Variants in NAPB observed in about 807,000 individuals in gnomAD.
NAPB encodes NSF attachment protein beta.
A neutral mutation model predicts 44.7 loss-of-function variants in NAPB; 26 were observed. The ratio of observed to expected loss-of-function variants is 0.58; its 90% CI spans 0.43 to 0.81. The LOEUF (loss-of-function observed/expected upper bound fraction) is 0.81. Ranked by LOEUF, NAPB falls within the 30% of genes least tolerant of loss-of-function variation. NAPB has a pLI of 0.00. For synonymous variants in NAPB, 120 were observed against 116.8 expected, an observed-to-expected ratio of 1.03 and a Z score of -0.18; for missense variants, 315 against 356.4, an observed-to-expected ratio of 0.88 and a Z score of 0.94.
chr20:23,421,176 G>A (rs1377875543), intron 1 of NAPB, 129 bp downstream of exon 1: 3 of 701,648 alleles, frequency 4.3e-6, no homozygotes, highest in East Asian at 3.3e-5. Context: ...GCGCCTGCAG[G>A]CTGAGGGCCC....
chr20:23,414,420 A>G (rs1985867292), intron 1 of NAPB, among the ~76,000 whole-genome samples: 1 of 152,218 alleles, frequency 6.6e-6, no homozygotes, highest in Non-Finnish European at 1.5e-5. Flanking sequence ...GGACAGTACA[A>G]TACGAGGCCT....
intron 5 of NAPB, among the ~76,000 whole-genome samples, chr20:23,394,141 A>G (rs1984178415): frequency 1.3e-5 from 2 of 152,194 alleles, no homozygotes; most frequent in Admixed American, 1.3e-4. Context: ...TCAGCAGTAG[A>G]GAAACAGAGT....
chr20:23,414,643 A>C (rs1476956323), intron 1 of NAPB, among the ~76,000 whole-genome samples: 1 of 152,268 alleles, frequency 6.6e-6, no homozygotes, highest in Non-Finnish European at 1.5e-5. Flanking sequence ...AGTTCCACTT[A>C]AATACAGAAA....
intron 1 of NAPB, among the ~76,000 whole-genome samples, chr20:23,416,292 A>G: frequency 6.6e-6 from 1 of 152,354 alleles, no homozygotes; most frequent in South Asian, 2.1e-4. Flanking sequence ...AAATGCAACA[A>G]GAAAAAGGCC....
intron 5 of NAPB, among the ~76,000 whole-genome samples, chr20:23,394,105 T>G (rs1378201704): frequency 6.6e-6 from 1 of 152,160 alleles, no homozygotes; most frequent in East Asian, 1.9e-4. Flanking sequence ...CAGCTGTTCC[T>G]CTTAGTGAAA....
chr20:23,387,184 C>A (rs545740970), intron 7 of NAPB, among the ~76,000 whole-genome samples: 1 of 152,040 alleles, frequency 6.6e-6, no homozygotes, highest in African/African-American at 2.4e-5. Context: ...AATCCAATAC[C>A]CTTTGATGAT....
intron 10 of NAPB, 91 bp downstream of exon 10, chr20:23,379,353 TA>T: frequency 3.0e-6 from 3 of 998,106 alleles, no homozygotes; most frequent in East Asian, 2.4e-5. Context: ...CATGTTCAAA[TA>T]AATGTTTAGA....
At chr20:23,390,446 C>T (rs1983862730) in intron 5 of NAPB, among the ~76,000 whole-genome samples, 182 bp from the exon 6 acceptor site, 1 of 152,224 alleles carries the variant, frequency 6.6e-6, no homozygotes, top group Admixed American at 6.5e-5. Context: ...TGCTTGCTGA[C>T]CATCAAAATC....
chr20:23,410,550 G>A, intron 1 of NAPB, among the ~76,000 whole-genome samples: 1 of 152,318 alleles, frequency 6.6e-6, no homozygotes, highest in Middle Eastern at 3.4e-3. Flanking sequence ...GCGGGGTATG[G>A]GGAGAGAAAC....
chr20:23,420,053 T>C (rs1222379623), intron 1 of NAPB, among the ~76,000 whole-genome samples: 2 of 152,256 alleles, frequency 1.3e-5, no homozygotes, highest in Non-Finnish European at 2.9e-5. Context: ...GTTAAGTATC[T>C]GCTCTTGGTA....
In NAPB at chr20:23,377,357, C is replaced by A; in HGVS notation, c.*19G>T. On this transcript the variant is annotated 3_prime_UTR_variant, in exon 11 of 11. Coordinates refer to ENST00000377026, the MANE Select transcript of NAPB (RefSeq NM_022080.3). ...AAACTAAAGAGGAGTTAGCTGCATG[C>A]CACAAAGACAAAAACATTTCATTTT... 1 of 1,524,316 alleles carries A rather than the reference C, an allele frequency of 6.6e-7. No homozygotes were observed. The allele number at this position is 1,524,316 out of a possible 1,614,324, so 94.4% of individuals were successfully genotyped here.
intron 1 of NAPB, among the ~76,000 whole-genome samples, chr20:23,419,929 T>C (rs1399926236): frequency 1.3e-5 from 2 of 152,230 alleles, no homozygotes; most frequent in East Asian, 1.9e-4. Flanking sequence ...TTATAATTTA[T>C]AGCCAAAAGA....
intron 1 of NAPB, among the ~76,000 whole-genome samples, chr20:23,405,040 C>T (rs990885009): frequency 1.3e-5 from 2 of 152,188 alleles, no homozygotes; most frequent in East Asian, 1.9e-4. Flanking sequence ...AGGAGGCTCA[C>T]GCCTGTAATC....
intron 1 of NAPB, among the ~76,000 whole-genome samples, chr20:23,403,944 C>T (rs1985048083): frequency 6.6e-6 from 1 of 152,070 alleles, no homozygotes; most frequent in Non-Finnish European, 1.5e-5. Context: ...AGGGTCCGGC[C>T]CAGTTTAGAA....
chr20:23,419,866 C>T (rs1373011606), intron 1 of NAPB, among the ~76,000 whole-genome samples: 1 of 152,192 alleles, frequency 6.6e-6, no homozygotes, highest in Non-Finnish European at 1.5e-5. Flanking sequence ...ATGCGTACTG[C>T]ATGCAACTTG....
intron 7 of NAPB, among the ~76,000 whole-genome samples, chr20:23,382,951 T>G (rs1983143584): frequency 6.6e-6 from 1 of 152,004 alleles, no homozygotes; most frequent in South Asian, 2.1e-4. Flanking sequence ...GGTCAAGAGT[T>G]CAAGACCAGC....
chr20:23,383,609 A>G (rs1166905581), intron 7 of NAPB, among the ~76,000 whole-genome samples: 2 of 152,226 alleles, frequency 1.3e-5, no homozygotes, highest in African/African-American at 4.8e-5. Context: ...TATGTTTCAG[A>G]AATGAAGGCA....
At chr20:23,404,796 G>A (rs1268076947) in intron 1 of NAPB, among the ~76,000 whole-genome samples, 1 of 152,202 alleles carries the variant, frequency 6.6e-6, no homozygotes, top group Admixed American at 6.5e-5. Context: ...CCACACATGT[G>A]ATACCACATG....
chr20:23,396,233 T>A (rs1458266143), intron 3 of NAPB, among the ~76,000 whole-genome samples: 1 of 152,238 alleles, frequency 6.6e-6, no homozygotes, highest in African/African-American at 2.4e-5. Context: ...GGGATTTTAA[T>A]GCCTGCACCA....
Sources: allele counts gnomAD v4.1 joint callset (sites outside exome capture counted in the v4.1 genomes callset), GRCh38; gene constraint gnomAD v4.1.1; transcripts MANE v1.5; gene names NCBI Gene and HGNC (gene_info 2026-07-23, HGNC 2026-07-21).